Variants in HMGB1 observed in about 807,000 individuals in gnomAD.
The protein encoded by HMGB1 is high mobility group protein B1.
For missense variants in HMGB1, 79 were observed against 253.5 expected (o/e 0.31, Z 4.67); for synonymous variants, 81 against 84.0 (o/e 0.96, Z 0.19).
chr13:30,462,825 G>C (rs1886442592), intron 3 of HMGB1, 113 bp from the exon 4 acceptor site: 1 of 809,752 alleles, frequency 1.2e-6, no homozygotes, highest in Non-Finnish European at 2.0e-6. Context: ...GTGATGCATT[G>C]GACAGGGTGC....
intron 1 of HMGB1, among the ~76,000 whole-genome samples, chr13:30,538,580 CT>C (rs754134991): frequency 2.5e-5 from 3 of 119,534 alleles, no homozygotes; most frequent in Non-Finnish European, 5.3e-5. Flanking sequence ...TTCTTTCTTT[CT>C]TTCTTTTTCT....
intron 1 of HMGB1, among the ~76,000 whole-genome samples, chr13:30,612,237 A>G (rs1950519446): frequency 6.6e-6 from 1 of 152,208 alleles, no homozygotes; most frequent in Non-Finnish European, 1.5e-5. Context: ...ACACATATAT[A>G]CACACACATA....
At chr13:30,557,289 C>A (rs1203289888) in intron 1 of HMGB1, among the ~76,000 whole-genome samples, 1 of 152,126 alleles carries the variant, frequency 6.6e-6, no homozygotes, top group Non-Finnish European at 1.5e-5. Context: ...GAAGTTCTAA[C>A]TGAAATAAGG....
chr13:30,462,838 A>C, intron 3 of HMGB1, 126 bp from the exon 4 acceptor site: 1 of 697,580 alleles, frequency 1.4e-6, no homozygotes, highest in East Asian at 2.7e-5. Context: ...CAGGGTGCAA[A>C]TACTATAATA....
chr13:30,544,385 A>C (rs1424312000), intron 1 of HMGB1, among the ~76,000 whole-genome samples: 1 of 152,216 alleles, frequency 6.6e-6, no homozygotes, highest in African/African-American at 2.4e-5. Context: ...GGAGGCTGGC[A>C]CCAGAAAGAA....
intron 1 of HMGB1, among the ~76,000 whole-genome samples, chr13:30,482,880 C>A (rs143650373): frequency 1.3e-5 from 2 of 151,886 alleles, no homozygotes; most frequent in Admixed American, 1.3e-4. Context: ...CTTGACCTCC[C>A]GGGCTCAAGC....
intron 1 of HMGB1, among the ~76,000 whole-genome samples, chr13:30,551,582 T>C (rs570147234): frequency 1.1e-3 from 167 of 152,356 alleles, no homozygotes; most frequent in Admixed American, 1.8e-3. Context: ...AATTATTCAA[T>C]GTCACCCAGG....
At chr13:30,529,933 G>C (rs1248658258) in intron 1 of HMGB1, among the ~76,000 whole-genome samples, 3 of 152,118 alleles carry the variant, frequency 2.0e-5, no homozygotes, top group African/African-American at 7.2e-5. Flanking sequence ...CTTCCAATTG[G>C]ATTTGCAGAA....
chr13:30,517,239 T>G (rs1312364019), intron 1 of HMGB1, among the ~76,000 whole-genome samples: 1 of 152,238 alleles, frequency 6.6e-6, no homozygotes, highest in Non-Finnish European at 1.5e-5. Context: ...CCCCAAAATA[T>G]GCGTTTCTAA....
intron 4 of HMGB1, among the ~76,000 whole-genome samples, chr13:30,461,857 C>T (rs1337579249): frequency 6.6e-6 from 1 of 152,104 alleles, no homozygotes; most frequent in Non-Finnish European, 1.5e-5. Flanking sequence ...GTAGACACTG[C>T]CACCTTCTGA....
intron 1 of HMGB1, among the ~76,000 whole-genome samples, chr13:30,579,328 A>T (rs1475560927): frequency 6.6e-6 from 1 of 152,140 alleles, no homozygotes; most frequent in Non-Finnish European, 1.5e-5. Context: ...ACAGGGCACA[A>T]TTTTTGTTTC....
At chr13:30,506,568 A>G (rs1374352389) in intron 1 of HMGB1, among the ~76,000 whole-genome samples, 1 of 151,690 alleles carries the variant, frequency 6.6e-6, no homozygotes, top group Non-Finnish European at 1.5e-5. Context: ...GTCCACCTCC[A>G]CCTTCTGTCA....
chr13:30,554,032 T>C, intron 1 of HMGB1: 3 of 1,463,076 alleles, frequency 2.1e-6, no homozygotes, highest in Middle Eastern at 2.4e-4. Context: ...AAAGAATCGG[T>C]TAAATGTGCG....
At chr13:30,462,419 A>G (rs916577339) in intron 4 of HMGB1, 119 bp downstream of exon 4, 8 of 843,840 alleles carry the variant, frequency 9.5e-6, no homozygotes, top group East Asian at 4.8e-5. Flanking sequence ...ATGAGGACTT[A>G]TATCAACACC....
chr13:30,510,926 G>A (rs923730260), intron 1 of HMGB1, among the ~76,000 whole-genome samples: 1 of 152,020 alleles, frequency 6.6e-6, no homozygotes, highest in African/African-American at 2.4e-5. Context: ...TGTATATCAG[G>A]AACATCTCTT....
intron 1 of HMGB1, among the ~76,000 whole-genome samples, chr13:30,548,705 C>T (rs1285063490): frequency 6.6e-6 from 1 of 152,176 alleles, no homozygotes; most frequent in Non-Finnish European, 1.5e-5. Context: ...AGATGTCACT[C>T]AGAACCTACA....
chr13:30,520,615 G>A (rs972543643), intron 1 of HMGB1, among the ~76,000 whole-genome samples: 2 of 152,082 alleles, frequency 1.3e-5, no homozygotes, highest in South Asian at 2.1e-4. Flanking sequence ...GTGAGACTCC[G>A]TCTCAATAAA....
At chr13:30,485,180 A>C (rs1887337770) in intron 1 of HMGB1, among the ~76,000 whole-genome samples, 1 of 151,760 alleles carries the variant, frequency 6.6e-6, no homozygotes, top group South Asian at 2.1e-4. Context: ...TACAGGTATG[A>C]GCCACCACGC....
intron 1 of HMGB1, chr13:30,539,584 T>C (rs771924577): frequency 2.6e-5 from 7 of 270,008 alleles, no homozygotes; most frequent in Admixed American, 8.2e-5. Flanking sequence ...AGAGTAGTGC[T>C]AATGTGCTGG....
Sources: allele counts gnomAD v4.1 joint callset (sites outside exome capture counted in the v4.1 genomes callset), GRCh38; gene constraint gnomAD v4.1.1; transcripts MANE v1.5; gene names NCBI Gene and HGNC (gene_info 2026-07-23, HGNC 2026-07-21).